Variants in FRAS1 observed in about 807,000 individuals in gnomAD.
The protein encoded by FRAS1 is extracellular matrix organizing protein FRAS1.
A neutral mutation model predicts 435.2 loss-of-function variants in FRAS1; 290 were observed. The ratio of observed to expected loss-of-function variants is 0.67; its 90% CI spans 0.61 to 0.73. The LOEUF is 0.73. FRAS1 is among the 30% of genes least tolerant of loss of function. The pLI is 0.00. For synonymous variants in FRAS1, 1,800 were observed against 1,851.0 expected (o/e 0.97, Z 0.71); for missense variants, 4,860 against 5,001.5 (o/e 0.97, Z 0.85).
intron 2 of FRAS1, among the ~76,000 whole-genome samples, chr4:78,084,908 A>G (rs1741073266): frequency 6.6e-6 from 1 of 152,148 alleles, no homozygotes; most frequent in Non-Finnish European, 1.5e-5. Flanking sequence ...CTATGCTTCC[A>G]TTAAAAATTT....
intron 53 of FRAS1, among the ~76,000 whole-genome samples, chr4:78,474,543 G>T (rs949460925): frequency 5.9e-5 from 9 of 152,132 alleles, no homozygotes; most frequent in African/African-American, 1.9e-4. Flanking sequence ...GTAATGTTTT[G>T]CTGTTATTTA....
intron 2 of FRAS1, among the ~76,000 whole-genome samples, chr4:78,072,862 T>C (rs369984226): frequency 7.2e-4 from 109 of 152,240 alleles, no homozygotes; most frequent in Middle Eastern, 3.4e-3. Context: ...AGCAAGGTAA[T>C]GAGCTCCTTT....
intron 17 of FRAS1, among the ~76,000 whole-genome samples, chr4:78,317,798 C>T (rs1211458687): frequency 6.6e-6 from 1 of 152,122 alleles, no homozygotes; most frequent in African/African-American, 2.4e-5. Flanking sequence ...CCTTTCTCTG[C>T]TCTCTTACCT....
chr4:78,394,234 A>AT (rs1480094158), intron 29 of FRAS1, among the ~76,000 whole-genome samples: 7 of 151,558 alleles, frequency 4.6e-5, no homozygotes, highest in African/African-American at 1.5e-4. Context: ...CTGCTTGTTT[A>AT]TTTTTGCTTT....
intron 9 of FRAS1, among the ~76,000 whole-genome samples, chr4:78,272,284 T>C (rs529968186): frequency 6.6e-6 from 1 of 152,362 alleles, no homozygotes; most frequent in Non-Finnish European, 1.5e-5. Context: ...TGATGGTAGT[T>C]ACTTTTGCTG....
At chr4:78,184,177 C>T (rs573492576) in intron 2 of FRAS1, among the ~76,000 whole-genome samples, 1 of 152,212 alleles carries the variant, frequency 6.6e-6, no homozygotes, top group African/African-American at 2.4e-5. Context: ...TAATTATACC[C>T]CAGATCAGTC....
At chr4:78,478,605 T>C (rs1051979819) in intron 55 of FRAS1, among the ~76,000 whole-genome samples, 2 of 152,174 alleles carry the variant, frequency 1.3e-5, no homozygotes, top group African/African-American at 4.8e-5. Flanking sequence ...TCTTGAGGAG[T>C]TGGAAATAAA....
chr4:78,297,745 G>A (rs73827960), intron 14 of FRAS1, among the ~76,000 whole-genome samples: 2,084 of 152,140 alleles, frequency 0.014, 52 homozygotes, highest in African/African-American at 0.047. Context: ...TATAATTTAA[G>A]CCCTGTGTGA....
chr4:78,061,424 G>T (rs759663088), intron 1 of FRAS1, among the ~76,000 whole-genome samples: 13 of 152,108 alleles, frequency 8.5e-5, no homozygotes, highest in Non-Finnish European at 1.3e-4. Context: ...GTTGCCTTGG[G>T]ATAGGGAAAC....
rs1372708637 is a variant in FRAS1, at chr4:78,518,449, TA to T, written c.10390-881del. Reference sequence around the variant, plus strand: ...ATATATATATATATATATATATATATATATTTATTTATTTATTTATTTGTGG... The same window carrying T: ...ATATATATATATATATATATATATATTATTTATTTATTTATTTATTTGTGG... On this transcript the variant is annotated intron_variant, in intron 66 of 73. Coordinates refer to ENST00000512123, the MANE Select transcript of FRAS1 (RefSeq NM_025074.7). 1.9e-3 allele frequency among the ~76,000 whole-genome samples: 196 copies of T among 102,096 alleles called. No homozygotes were observed. The Middle Eastern group carries it at 0.028, about 15-fold the overall frequency. The allele number at this position is 102,096 out of a possible 152,430, so 67.0% of individuals were successfully genotyped here. A position where few individuals can be genotyped will look rare whatever the true frequency, so the allele number is the denominator to read the frequency against.
At chr4:78,231,406 C>T (rs964010810) in intron 2 of FRAS1, among the ~76,000 whole-genome samples, 2 of 151,902 alleles carry the variant, frequency 1.3e-5, no homozygotes, top group Non-Finnish European at 2.9e-5. Context: ...ATCTACCCCT[C>T]ACTTACTGGT....
rs755124079 is a variant in FRAS1 at position 78,384,161 on chromosome 4, G to A, written c.3648+18G>A. The A allele has an allele frequency of 2.1e-5, 32 of 1,525,752 alleles. No individual in the cohort carries two copies. Among genetic ancestry groups the A allele is most frequent in the African/African-American group, 5.6e-5 (4 of 71,228 alleles). The allele number at this position is 1,525,752 out of a possible 1,614,324, so 94.5% of individuals were successfully genotyped here. On this transcript the variant is annotated intron_variant, in intron 28 of 73. Coordinates refer to ENST00000512123, the MANE Select transcript of FRAS1 (RefSeq NM_025074.7). ...CAACACAGGTAATAAAAATGGCCAC[G>A]TAATTAATAATTTTACATGACTACT...
intron 2 of FRAS1, among the ~76,000 whole-genome samples, chr4:78,214,380 T>C (rs982970520): frequency 6.6e-6 from 1 of 152,224 alleles, no homozygotes. Context: ...AAATCAACTT[T>C]TGAAAAATGT....
chr4:78,327,193 G>C (rs1024154638), intron 18 of FRAS1, among the ~76,000 whole-genome samples: 8 of 152,090 alleles, frequency 5.3e-5, no homozygotes, highest in African/African-American at 1.9e-4. Context: ...CTGAACTCCA[G>C]CCTGCGTGCC....
chr4:78,491,535 A>C (rs2109867380), intron 59 of FRAS1, among the ~76,000 whole-genome samples: 1 of 152,348 alleles, frequency 6.6e-6, no homozygotes, highest in East Asian at 1.9e-4. Flanking sequence ...TCACATAAAC[A>C]GAACCAATGA....
chr4:78,084,540 A>T (rs930105782), intron 2 of FRAS1, among the ~76,000 whole-genome samples: 18 of 152,126 alleles, frequency 1.2e-4, no homozygotes, highest in African/African-American at 4.3e-4. Flanking sequence ...TCTATCAATT[A>T]GTTGCTGGTA....
At chr4:78,266,112 T>C (rs1726341152) in intron 7 of FRAS1, among the ~76,000 whole-genome samples, 1 of 152,218 alleles carries the variant, frequency 6.6e-6, no homozygotes. Flanking sequence ...CCTAAAATGC[T>C]AACATTAATT....
intron 2 of FRAS1, among the ~76,000 whole-genome samples, chr4:78,089,795 G>GT (rs1741411772): frequency 6.6e-6 from 1 of 152,108 alleles, no homozygotes; most frequent in African/African-American, 2.4e-5. Context: ...ACATGTGCAA[G>GT]TTTTTTGTTA....
chr4:78,151,979 C>T (rs759507780), intron 2 of FRAS1, among the ~76,000 whole-genome samples: 8 of 152,152 alleles, frequency 5.3e-5, no homozygotes, highest in Non-Finnish European at 1.2e-4. Flanking sequence ...CCTTTGCTTT[C>T]TTTTGCAATA....
Sources: gnomAD v4.1 joint callset for allele counts (sites outside exome capture counted in the v4.1 genomes callset) on GRCh38, gnomAD v4.1.1 for gene constraint, MANE v1.5 for transcripts, NCBI Gene and HGNC (gene_info 2026-07-23, HGNC 2026-07-21) for gene names.